UACA: variants seen among roughly 807,000 people sequenced by gnomAD.
UACA encodes the protein nuclear membrane binding protein.
In UACA, 112 loss-of-function variants were observed where a neutral mutation model predicts 160.5. The ratio of observed to expected loss-of-function variants is 0.70; its 90% CI spans 0.60 to 0.82. UACA has a LOEUF of 0.82. UACA is among the 40% of genes least tolerant of loss of function. The pLI is 0.00. For synonymous variants in UACA, 557 were observed against 568.4 expected (o/e 0.98, Z 0.29); for missense variants, 1,574 against 1,614.6 (o/e 0.97, Z 0.43).
intron 3 of UACA, among the ~76,000 whole-genome samples, chr15:70,691,815 G>A (rs1595891789): frequency 1.3e-5 from 2 of 152,048 alleles, no homozygotes; most frequent in South Asian, 4.1e-4. Flanking sequence ...GCATAGAAAG[G>A]GTATTCCTTA....
At chr15:70,719,029 G>A (rs1898909862) in intron 1 of UACA, among the ~76,000 whole-genome samples, 1 of 151,428 alleles carries the variant, frequency 6.6e-6, no homozygotes, top group African/African-American at 2.4e-5. Context: ...ATAGGAAGGA[G>A]GAAGGAAGGG....
rs1566963487 is a variant in UACA at position 70,667,417 on chromosome 15, T to C, written c.3267A>G (p.Leu1089=). 6.2e-7 allele frequency: 1 copy of C among 1,610,754 alleles called. No homozygotes were observed. Among genetic ancestry groups the C allele is most frequent in the African/African-American group, 1.3e-5 (1 of 74,836 alleles). ...AAGTCTGTTTGGCATTTTCTTCTAC[T>C]AGCTTCTCTTTCACATTCTTTACTT... ...YTEVKNVKEK[L]VEENAKQTSE... is the part of the protein sequence containing the mutation. Residue 1089 remains leucine, a synonymous_variant, in exon 16 of 19, where the codon CTA becomes CTG. Coordinates refer to ENST00000322954, the MANE Select transcript of UACA (RefSeq NM_018003.4).
intron 1 of UACA, among the ~76,000 whole-genome samples, chr15:70,720,126 T>C (rs1457534362): frequency 1.3e-5 from 2 of 152,120 alleles, no homozygotes; most frequent in Non-Finnish European, 1.5e-5. Context: ...CCTCTTTCTC[T>C]TCCTCCTGCT....
chr15:70,767,310 C>T (rs950849523), upstream of UACA, among the ~76,000 whole-genome samples: 11 of 150,944 alleles, frequency 7.3e-5, no homozygotes, highest in Non-Finnish European at 1.2e-4. Flanking sequence ...ACACACAGGC[C>T]GGGCATGGTG....
At chr15:70,700,162 T>C (rs760895902) in intron 1 of UACA, among the ~76,000 whole-genome samples, 31 of 151,970 alleles carry the variant, frequency 2.0e-4, no homozygotes, top group Non-Finnish European at 3.4e-4. Flanking sequence ...AATCACACTT[T>C]TAGATTTGGC....
At chr15:70,702,006 A>AC in intron 1 of UACA, 1 of 1,569,100 alleles carries the variant, frequency 6.4e-7, no homozygotes, top group Non-Finnish European at 8.6e-7. Flanking sequence ...TCTCAGACAA[A>AC]CTCCTGACAA....
At chr15:70,714,439 C>T (rs1898769809) in intron 1 of UACA, among the ~76,000 whole-genome samples, 2 of 152,130 alleles carry the variant, frequency 1.3e-5, no homozygotes, top group Non-Finnish European at 2.9e-5. Context: ...TCATTCACTT[C>T]TGTTATCCTT....
chr15:70,698,329 C>CTT (rs1299768298), intron 2 of UACA, among the ~76,000 whole-genome samples: 1 of 152,118 alleles, frequency 6.6e-6, no homozygotes, highest in Non-Finnish European at 1.5e-5. Context: ...TTCACTTCAT[C>CTT]TTTTAACATC....
At chr15:70,764,523 T>C (rs1335532420), upstream of UACA, among the ~76,000 whole-genome samples, 3 of 152,182 alleles carry the variant, frequency 2.0e-5, no homozygotes, top group African/African-American at 7.2e-5. Context: ...GTAGCATGCA[T>C]CCATTTGAAA....
chr15:70,701,265 C>T (rs1898352533), intron 1 of UACA, among the ~76,000 whole-genome samples: 1 of 152,096 alleles, frequency 6.6e-6, no homozygotes, highest in Non-Finnish European at 1.5e-5. Context: ...CTATGGGCTC[C>T]AAGTCTAAGC....
chr15:70,674,267 T>C (rs1160556932), intron 13 of UACA, among the ~76,000 whole-genome samples: 1 of 152,116 alleles, frequency 6.6e-6, no homozygotes, highest in Admixed American at 6.5e-5. Flanking sequence ...TAGCATAAAA[T>C]TTCATCACAA....
chr15:70,687,266 C>T (rs1442634377), intron 7 of UACA, among the ~76,000 whole-genome samples: 1 of 152,192 alleles, frequency 6.6e-6, no homozygotes, highest in Non-Finnish European at 1.5e-5. Flanking sequence ...TGTAATTCCT[C>T]TCTCCTTCAG....
intron 1 of UACA, among the ~76,000 whole-genome samples, chr15:70,744,451 T>C (rs1899638470): frequency 6.6e-6 from 1 of 152,022 alleles, no homozygotes; most frequent in Non-Finnish European, 1.5e-5. Context: ...TAAATATTTG[T>C]TGAGTAAAGT....
intron 13 of UACA, among the ~76,000 whole-genome samples, chr15:70,675,771 T>C (rs74692306): frequency 0.016 from 2,486 of 152,280 alleles, 61 homozygotes; most frequent in African/African-American, 0.058. Context: ...CAAAATGTGT[T>C]GAAACTTAAA....
intron 1 of UACA, among the ~76,000 whole-genome samples, chr15:70,740,452 A>G (rs1419756500): frequency 0.062 from 1 of 16 alleles, no homozygotes; most frequent in African/African-American, 0.17. Flanking sequence ...TGTCTCTATT[A>G]AAAAAAAAAA....
intron 1 of UACA, among the ~76,000 whole-genome samples, chr15:70,727,879 C>T (rs1899194455): frequency 6.6e-6 from 1 of 152,176 alleles, no homozygotes; most frequent in Non-Finnish European, 1.5e-5. Flanking sequence ...AGGGCCTCTT[C>T]ACTGCCTATA....
At position 70,678,308 on chromosome 15, in the gene UACA, T is replaced by C. The variant is rs1349804039; in HGVS notation, c.892-102A>G. 18 of 636,896 alleles carry C rather than the reference T, an allele frequency of 2.8e-5. 1 individual carries two copies. The East Asian group carries it at 4.2e-4, about 15-fold the overall frequency. 39.5% of individuals were successfully genotyped at this position (636,896 alleles called of 1,614,324 possible). On this transcript the variant is annotated intron_variant, in intron 10 of 18. Transcript: ENST00000322954. Reference sequence around the variant, plus strand: ...GTTCACTACCATACAGGTACATACATATGTAAAACACTAAGTACAAAAGAT... The same window carrying C: ...GTTCACTACCATACAGGTACATACACATGTAAAACACTAAGTACAAAAGAT...
chr15:70,690,365 A>T (rs1364513999), intron 5 of UACA, 89 bp downstream of exon 5: 5 of 1,141,056 alleles, frequency 4.4e-6, no homozygotes, highest in Non-Finnish European at 6.4e-6. Flanking sequence ...CATGAATTAT[A>T]TAAATATCTA....
chr15:70,777,981 T>C, the UACA span, among the ~76,000 whole-genome samples: 7 of 152,140 alleles, frequency 4.6e-5, no homozygotes, highest in African/African-American at 4.8e-5. Context: ...CCCCAATAAA[T>C]TGTGATAATA....
Sources: allele counts gnomAD v4.1 joint callset (sites outside exome capture counted in the v4.1 genomes callset), GRCh38; gene constraint gnomAD v4.1.1; transcripts MANE v1.5; gene names NCBI Gene and HGNC (gene_info 2026-07-23, HGNC 2026-07-21).